Variants in PPP3CC observed in about 807,000 individuals in gnomAD.
The protein encoded by PPP3CC is serine/threonine-protein phosphatase 2B catalytic subunit gamma isoform.
Under a neutral mutation model 60.3 loss-of-function variants are expected in PPP3CC, and 35 were observed. The observed-to-expected ratio is 0.58, with a 90% CI of 0.44 to 0.77. The LOEUF (loss-of-function observed/expected upper bound fraction) is 0.77, where lower values mean the gene tolerates loss of function less well. Ranked by LOEUF, PPP3CC falls within the 30% of genes least tolerant of loss-of-function variation. PPP3CC has a pLI of 0.00. For synonymous variants in PPP3CC, 206 were observed against 224.3 expected, an observed-to-expected ratio of 0.92 and a Z score of 0.73; for missense variants, 570 against 628.9, an observed-to-expected ratio of 0.91 and a Z score of 1.00.
At chr8:22,508,278 A>G (rs117402166) in intron 4 of PPP3CC, among the ~76,000 whole-genome samples, 3,215 of 152,280 alleles carry the variant, frequency 0.021, 62 homozygotes, top group Middle Eastern at 0.054. Flanking sequence ...AAAAGGTGGT[A>G]TAATAATAAA....
chr8:22,528,501 C>T lies in PPP3CC; in HGVS notation c.1070-5C>T. 1.3e-6 allele frequency: 2 copies of T among 1,522,770 alleles called. No individual in the cohort carries two copies. The highest frequency in any genetic ancestry group is 1.8e-6 in the Non-Finnish European group (2 of 1,127,782). 94.3% of individuals were successfully genotyped at this position (1,522,770 alleles called of 1,614,324 possible). A position where few individuals can be genotyped will look rare whatever the true frequency, so the allele number is the denominator to read the frequency against. ...GTAAATTTTGGATTATTTTGTCTTA[C>T]TTAGTCACAGAGATGCTGGTAAATG... On this transcript the variant is annotated splice_polypyrimidine_tract_variant and splice_region_variant and intron_variant, in intron 9 of 13. Coordinates refer to ENST00000240139, the MANE Select transcript of PPP3CC (RefSeq NM_005605.5).
At chr8:22,527,782 C>T (rs778367026) in intron 9 of PPP3CC, among the ~76,000 whole-genome samples, 8 of 152,038 alleles carry the variant, frequency 5.3e-5, no homozygotes, top group East Asian at 3.9e-4. Flanking sequence ...ATTATAGGCA[C>T]GTGCCACTGC....
intron 4 of PPP3CC, among the ~76,000 whole-genome samples, chr8:22,508,213 C>T (rs1454600851): frequency 6.6e-6 from 1 of 152,102 alleles, no homozygotes; most frequent in South Asian, 2.1e-4. Context: ...TATGATTGCA[C>T]TACTGCACTC....
chr8:22,462,015 G>A (rs781218990), intron 1 of PPP3CC, among the ~76,000 whole-genome samples: 2 of 152,264 alleles, frequency 1.3e-5, no homozygotes, highest in East Asian at 1.9e-4. Context: ...TGGGAGGATC[G>A]CATGAGGCCA....
At chr8:22,493,092 G>C in intron 3 of PPP3CC, 3 of 1,555,682 alleles carry the variant, frequency 1.9e-6, no homozygotes, top group Non-Finnish European at 2.6e-6. Flanking sequence ...TTTTGATGAG[G>C]CTTCCAAGAA....
chr8:22,479,705 C>G (rs184238242), intron 3 of PPP3CC, among the ~76,000 whole-genome samples: 74 of 145,742 alleles, frequency 5.1e-4, no homozygotes, highest in African/African-American at 1.8e-3. Flanking sequence ...GATCGCCCCA[C>G]TGCACTCCAG....
Position 22,471,080 on chromosome 8 carries a change from G to C in PPP3CC, c.50-3874G>C, listed in dbSNP as rs2132461884. Among the ~76,000 whole-genome samples the C allele has an allele frequency of 1.3e-5, 2 of 152,212 alleles. 1 individual carries two copies. The highest frequency in any genetic ancestry group is 4.2e-4 in the South Asian group (2 of 4,814). ...GTTTAGTTTAATATGTATTATTAATGAAAATTTATTTAGGGGATTTCACCC... is the reference window on the plus strand; with the variant it reads ...GTTTAGTTTAATATGTATTATTAATCAAAATTTATTTAGGGGATTTCACCC... On this transcript the variant is annotated intron_variant, in intron 1 of 13. Transcript: ENST00000240139.
intron 3 of PPP3CC, among the ~76,000 whole-genome samples, chr8:22,479,782 A>G (rs1193958133): frequency 5.3e-5 from 8 of 151,850 alleles, no homozygotes; most frequent in Non-Finnish European, 1.2e-4. Flanking sequence ...AAAAAATGCA[A>G]TTTGGGGCAT....
intron 3 of PPP3CC, among the ~76,000 whole-genome samples, chr8:22,493,791 TA>T (rs1838480209): frequency 6.6e-6 from 1 of 152,190 alleles, no homozygotes; most frequent in African/African-American, 2.4e-5. Context: ...TTTTCTTTTG[TA>T]AATAGAAGGA....
intron 3 of PPP3CC, among the ~76,000 whole-genome samples, chr8:22,496,485 C>CTTTTTTTTTTTTTGTTTTT (rs1838586633): frequency 2.3e-5 from 1 of 43,564 alleles, no homozygotes; most frequent in Non-Finnish European, 4.2e-5. Context: ...GAACTGTAAT[C>CTTTTTTTTTTTTTGTTTTT]TTTTTTTTTT....
Position 22,475,639 on chromosome 8 carries a change from G to A in PPP3CC, c.372+15G>A, listed in dbSNP as rs772415436. Reference sequence around the variant, plus strand: ...TCAGTATAGAGGTAAAAATTAAACTGGATATGTTGGGACTATTATATTGTC... The same window carrying A: ...TCAGTATAGAGGTAAAAATTAAACTAGATATGTTGGGACTATTATATTGTC... On this transcript the variant is annotated intron_variant, in intron 3 of 13. Coordinates refer to ENST00000240139, the MANE Select transcript of PPP3CC (RefSeq NM_005605.5). 4.4e-6 allele frequency: 7 copies of A among 1,602,970 alleles called. No individual in the cohort carries two copies. In the Admixed American group the frequency reaches 1.2e-4, roughly 27 times the overall value.
chr8:22,482,671 T>C (rs1022467730), intron 3 of PPP3CC, among the ~76,000 whole-genome samples: 1 of 152,178 alleles, frequency 6.6e-6, no homozygotes, highest in Non-Finnish European at 1.5e-5. Context: ...ACCAAAAAGG[T>C]GAAGAAAAAC....
intron 8 of PPP3CC, among the ~76,000 whole-genome samples, chr8:22,525,109 C>A (rs1056375685): frequency 6.6e-6 from 1 of 151,960 alleles, no homozygotes; most frequent in African/African-American, 2.4e-5. Context: ...TGTGATCACA[C>A]CACTGCATTC....
In PPP3CC at chr8:22,528,515, T is replaced by A. The variant is rs1839620439; in HGVS notation, c.1079T>A (p.Met360Lys). 6.5e-7 allele frequency: 1 copy of A among 1,539,328 alleles called. No individual in the cohort carries two copies. The highest frequency in any genetic ancestry group is 1.4e-5 in the African/African-American group (1 of 73,728). ...ATTTTGTCTTACTTAGTCACAGAGATGCTGGTAAATGTGCTCAACATATGC... is the reference window on the plus strand; with the variant it reads ...ATTTTGTCTTACTTAGTCACAGAGAAGCTGGTAAATGTGCTCAACATATGC... The part of the protein sequence containing the change: ...LPFVGEKVTE[M>K]LVNVLNICSD... Residue 360 changes from methionine (M) to lysine (K), a missense_variant, in exon 10 of 14, where the codon ATG becomes AAG. Physicochemically the swap from Met to Lys is moderately conservative, Grantham distance 95 (BLOSUM62 -1). Coordinates refer to ENST00000240139, the MANE Select transcript of PPP3CC (RefSeq NM_005605.5).
At chr8:22,494,912 A>T (rs1489974054) in intron 3 of PPP3CC, among the ~76,000 whole-genome samples, 2 of 152,196 alleles carry the variant, frequency 1.3e-5, no homozygotes, top group African/African-American at 4.8e-5. Flanking sequence ...TTTATTATAT[A>T]GAGGGTGGCA....
At chr8:22,466,090 T>C (rs936766000) in intron 1 of PPP3CC, among the ~76,000 whole-genome samples, 3 of 152,148 alleles carry the variant, frequency 2.0e-5, no homozygotes, top group African/African-American at 7.2e-5. Flanking sequence ...ATGTGGTGTT[T>C]GGTTTTCTGT....
chr8:22,516,302 T>C (rs939387527), intron 6 of PPP3CC, among the ~76,000 whole-genome samples: 1 of 152,214 alleles, frequency 6.6e-6, no homozygotes, highest in Non-Finnish European at 1.5e-5. Context: ...TCATTTAACT[T>C]TTATTTCTTT....
intron 3 of PPP3CC, among the ~76,000 whole-genome samples, chr8:22,480,314 T>A (rs567485639): frequency 6.6e-6 from 1 of 152,272 alleles, no homozygotes; most frequent in South Asian, 2.1e-4. Context: ...GTTAACAACA[T>A]ACCCCTAAAT....
chr8:22,478,266 C>A (rs893290091), intron 3 of PPP3CC, among the ~76,000 whole-genome samples: 2 of 151,608 alleles, frequency 1.3e-5, no homozygotes, highest in African/African-American at 4.8e-5. Flanking sequence ...AGTTCTCTGC[C>A]TCTGCCTCCT....
Sources: allele counts gnomAD v4.1 joint callset (sites outside exome capture counted in the v4.1 genomes callset), GRCh38; gene constraint gnomAD v4.1.1; transcripts MANE v1.5; gene names NCBI Gene and HGNC (gene_info 2026-07-23, HGNC 2026-07-21).